Variants in TTC7B observed in about 807,000 individuals in gnomAD.
TTC7B encodes the protein tetratricopeptide repeat protein 7B.
Under a neutral mutation model 106.8 loss-of-function variants are expected in TTC7B, and 28 were observed. The observed-to-expected ratio is 0.26, with a 90% confidence interval of 0.19 to 0.36. The LOEUF (loss-of-function observed/expected upper bound fraction) is 0.36, where lower values mean the gene tolerates loss of function less well. Among genes scored for constraint, TTC7B ranks in the 10% least tolerant of loss-of-function variants. The pLI is 1.00. For missense variants in TTC7B, 862 were observed against 1,076.4 expected, an observed-to-expected ratio of 0.80 and a Z score of 2.79; for synonymous variants, 405 against 430.6, an observed-to-expected ratio of 0.94 and a Z score of 0.74.
At chr14:90,815,070 A>G (rs1476316632) in intron 1 of TTC7B, among the ~76,000 whole-genome samples, 1 of 152,176 alleles carries the variant, frequency 6.6e-6, no homozygotes, top group Non-Finnish European at 1.5e-5. Flanking sequence ...GAAGGTTGAA[A>G]ATAGTGCAGA....
At position 90,577,493 on chromosome 14, in the gene TTC7B, C is replaced by A. The variant is rs1319560034; in HGVS notation, c.2310+613G>T. ...GGCAACCCCAGGCTTTTGGCCCAGG[C>A]TGTAGACGAAGGATGTGCACTCGTT... is the stretch of plus-strand genomic sequence containing the variant. On this transcript the variant is annotated intron_variant, in intron 19 of 19. Transcript: ENST00000328459. The surrounding 1 kb of genome is among the most constrained non-coding windows in gnomAD (Gnocchi z 5.0). Among the ~76,000 whole-genome samples, 1 of 152,224 alleles carries A rather than the reference C, an allele frequency of 6.6e-6. No homozygotes were observed. The highest frequency in any genetic ancestry group is 1.5e-5 in the Non-Finnish European group (1 of 68,036).
intron 5 of TTC7B, among the ~76,000 whole-genome samples, chr14:90,719,443 C>T (rs1374234623): frequency 1.3e-5 from 2 of 152,170 alleles, no homozygotes; most frequent in African/African-American, 2.4e-5. Flanking sequence ...ACTGTAAATA[C>T]CTGATAGGAA....
intron 19 of TTC7B, among the ~76,000 whole-genome samples, chr14:90,542,431 A>G (rs1344179534): frequency 1.3e-5 from 2 of 151,768 alleles, no homozygotes; most frequent in African/African-American, 4.8e-5. Context: ...GGTCCCACCT[A>G]TTTCATCATC....
intron 5 of TTC7B, among the ~76,000 whole-genome samples, chr14:90,696,372 C>A (rs191709623): frequency 6.6e-6 from 1 of 152,188 alleles, no homozygotes; most frequent in African/African-American, 2.4e-5. Context: ...CCCAGCTGGT[C>A]CCTTTACATT....
chr14:90,801,222 CAAAAA>C (rs67620286), intron 1 of TTC7B, among the ~76,000 whole-genome samples: 4 of 70,940 alleles, frequency 5.6e-5, no homozygotes, highest in Non-Finnish European at 2.6e-5. Context: ...AAGACCCTAT[CAAAAA>C]AAAAAAAAAA....
At chr14:90,752,333 C>T (rs944471702) in intron 3 of TTC7B, among the ~76,000 whole-genome samples, 1 of 152,110 alleles carries the variant, frequency 6.6e-6, no homozygotes, top group African/African-American at 2.4e-5. Flanking sequence ...GCCTGCCTAA[C>T]ATAGTGAGAC....
chr14:90,781,019 T>C (rs1047109659), intron 2 of TTC7B, 113 bp from the exon 3 acceptor site: 4 of 923,316 alleles, frequency 4.3e-6, no homozygotes, highest in East Asian at 2.5e-5. Context: ...GCACAAGAGC[T>C]TGGACGTGAA....
intron 6 of TTC7B, among the ~76,000 whole-genome samples, chr14:90,695,109 T>A (rs1030686518): frequency 2.9e-5 from 4 of 139,354 alleles, no homozygotes; most frequent in African/African-American, 5.2e-5. Flanking sequence ...TTTATTTTAT[T>A]ATAAAATAGG....
intron 5 of TTC7B, among the ~76,000 whole-genome samples, chr14:90,710,452 G>T (rs1170083196): frequency 6.6e-6 from 1 of 152,222 alleles, no homozygotes; most frequent in African/African-American, 2.4e-5. Context: ...TATCAACTTA[G>T]TTGATAAGAC....
At chr14:90,584,128 C>T (rs1413611927) in intron 18 of TTC7B, among the ~76,000 whole-genome samples, 2 of 152,174 alleles carry the variant, frequency 1.3e-5, no homozygotes, top group African/African-American at 4.8e-5. Flanking sequence ...CTGTTCCTTC[C>T]TCGCACCCTA....
intron 19 of TTC7B, among the ~76,000 whole-genome samples, chr14:90,544,876 A>T (rs145946872): frequency 6.6e-6 from 1 of 152,280 alleles, no homozygotes; most frequent in East Asian, 1.9e-4. Flanking sequence ...TGCTTCTGGC[A>T]AATAGGTGAT....
rs1016266469 is a variant in TTC7B, at chr14:90,663,026, G to A, written c.1153-4639C>T. Among the ~76,000 whole-genome samples the A allele has an allele frequency of 3.9e-5, 6 of 152,138 alleles. No homozygotes were observed. The highest frequency in any genetic ancestry group is 1.3e-4 in the Admixed American group (2 of 15,280). Reference sequence around the variant, plus strand: ...GGGCACAACTTTACAGAACTGGACCGGAATGTACGCTTATTCTTTATTACT... The same window carrying A: ...GGGCACAACTTTACAGAACTGGACCAGAATGTACGCTTATTCTTTATTACT... On this transcript the variant is annotated intron_variant, in intron 9 of 19. Coordinates refer to ENST00000328459, the MANE Select transcript of TTC7B (RefSeq NM_001010854.2). This position sits in a 1 kb window ranked among gnomAD's most constrained non-coding sequence, Gnocchi z 4.5.
At chr14:90,605,739 G>A (rs1892612350) in intron 17 of TTC7B, 1 of 1,273,878 alleles carries the variant, frequency 7.9e-7, no homozygotes, top group South Asian at 1.3e-5. Flanking sequence ...GAGGAGAGGA[G>A]GAGGAGGAGG....
intron 4 of TTC7B, among the ~76,000 whole-genome samples, chr14:90,740,658 T>C (rs1889725810): frequency 6.6e-6 from 1 of 151,904 alleles, no homozygotes; most frequent in Admixed American, 6.6e-5. Context: ...CCTGCCACCA[T>C]GCCTGGCTAA....
chr14:90,607,313 CACTGTGGCTGTG>C (rs1306454390), intron 17 of TTC7B, among the ~76,000 whole-genome samples: 1 of 152,192 alleles, frequency 6.6e-6, no homozygotes, highest in Admixed American at 6.5e-5. Context: ...AGTGGAAGTT[CACTGTGGCTGTG>C]GCTGTGGCTG....
Position 90,600,755 on chromosome 14 carries a change from G to A in TTC7B, c.1967-7129C>T, listed in dbSNP as rs1159836372. 1.3e-5 allele frequency among the ~76,000 whole-genome samples: 2 copies of A among 152,230 alleles called. No individual in the cohort carries two copies. The highest frequency in any genetic ancestry group is 3.9e-4 in the East Asian group (2 of 5,184). ...CAGGTGGTCACACAGAAAGCATGGA[G>A]GGAAGCCGTTCACACGCATGCAGGA... On this transcript the variant is annotated intron_variant, in intron 17 of 19. Coordinates refer to ENST00000328459, the MANE Select transcript of TTC7B (RefSeq NM_001010854.2). The surrounding 1 kb of genome is among the most constrained non-coding windows in gnomAD (Gnocchi z 4.3).
At chr14:90,784,557 GA>G (rs569208006) in intron 2 of TTC7B, among the ~76,000 whole-genome samples, 6,237 of 143,856 alleles carry the variant, frequency 0.043, 161 homozygotes, top group Non-Finnish European at 0.059. Context: ...ACTCCATCTC[GA>G]AAAAAAAAAA....
chr14:90,616,250 A>G (rs1893069168), intron 16 of TTC7B, among the ~76,000 whole-genome samples: 1 of 152,248 alleles, frequency 6.6e-6, no homozygotes, highest in Admixed American at 6.5e-5. Context: ...GTTCGGAGGC[A>G]GACTCCCCCA....
chr14:90,697,270 G>A (rs1212555922), intron 5 of TTC7B: 1 of 147,484 alleles, frequency 6.8e-6, no homozygotes, highest in Admixed American at 6.6e-5. Flanking sequence ...CAGTGTCCTA[G>A]GAAACAGAGT....
Sources: allele counts gnomAD v4.1 joint callset (sites outside exome capture counted in the v4.1 genomes callset), GRCh38; gene constraint gnomAD v4.1.1; non-coding constraint Gnocchi (gnomAD v3.1); transcripts MANE v1.5; gene names NCBI Gene and HGNC (gene_info 2026-07-23, HGNC 2026-07-21).